TEX261: variants seen among roughly 807,000 people sequenced by gnomAD.
TEX261 encodes the protein testis expressed 261.
A neutral mutation model predicts 25.1 loss-of-function variants in TEX261; 13 were observed. That is an observed-to-expected ratio of 0.52 (90% CI 0.34 to 0.82). The LOEUF (loss-of-function observed/expected upper bound fraction) is 0.82, where lower values mean the gene tolerates loss of function less well. Among genes scored for constraint, TEX261 ranks in the 40% least tolerant of loss-of-function variants. The probability of loss-of-function intolerance (pLI) is 0.02; values close to 1 mark genes in which losing one functional copy is unlikely to be tolerated. For missense variants in TEX261, 206 were observed against 243.2 expected (o/e 0.85, Z 1.02); for synonymous variants, 92 against 97.8 (o/e 0.94, Z 0.35).
intron 4 of TEX261, 36 bp from the exon 5 acceptor site, chr2:70,989,053 G>T: frequency 6.4e-7 from 1 of 1,574,194 alleles, no homozygotes; most frequent in Non-Finnish European, 8.7e-7. Context: ...GGGTGCCCCG[G>T]AGGTGCCAAG....
Position 70,994,813 on chromosome 2 carries a change from C to G in TEX261, c.-56G>C. 7.1e-7 allele frequency: 1 copy of G among 1,418,318 alleles called. No homozygotes were observed. Among genetic ancestry groups the G allele is most frequent in the Non-Finnish European group, 9.3e-7 (1 of 1,079,366 alleles). 87.9% of individuals were successfully genotyped at this position (1,418,318 alleles called of 1,614,324 possible). On this transcript the variant is annotated 5_prime_UTR_variant, in exon 1 of 6. Coordinates refer to ENST00000272438, the MANE Select transcript of TEX261 (RefSeq NM_144582.3). ...CGGGACGGGCCTGCGCGCTTCGGCTCCGGCGACACACAGCCGCCACCGCCG... is the reference window on the plus strand; with the variant it reads ...CGGGACGGGCCTGCGCGCTTCGGCTGCGGCGACACACAGCCGCCACCGCCG...
At chr2:70,989,677 A>G in intron 4 of TEX261, 72 bp downstream of exon 4, 1 of 1,045,734 alleles carries the variant, frequency 9.6e-7, no homozygotes, top group Non-Finnish European at 1.5e-6. Context: ...CTAAGTTTAT[A>G]AAGTAAACCA....
intron 5 of TEX261, 24 bp from the exon 6 acceptor site, chr2:70,988,739 T>TGA (rs781878635): frequency 0.018 from 27,973 of 1,562,392 alleles, 125 homozygotes; most frequent in Non-Finnish European, 0.02. Context: ...GGCAAGAATA[T>TGA]GAGAGAGAGA....
At position 70,988,418 on chromosome 2, in the gene TEX261, G is replaced by A; in HGVS notation, c.*182C>T. 1 of 591,800 alleles carries A rather than the reference G, an allele frequency of 1.7e-6. No individual in the cohort carries two copies. The highest frequency in any genetic ancestry group is 2.0e-5 in the South Asian group (1 of 50,346). The allele number at this position is 591,800 out of a possible 1,614,324, so 36.7% of individuals were successfully genotyped here. On this transcript the variant is annotated 3_prime_UTR_variant, in exon 6 of 6. Coordinates refer to ENST00000272438, the MANE Select transcript of TEX261 (RefSeq NM_144582.3). ...GTGCCCTCTGAGGTTACAGCCTCTT[G>A]AAGCATCAGATCTGAGCCAAGCTGA...
chr2:70,993,567 A>G, intron 2 of TEX261, 129 bp downstream of exon 2: 1 of 783,700 alleles, frequency 1.3e-6, no homozygotes, highest in South Asian at 1.5e-5. Context: ...CAGGGCAAGG[A>G]GGTAAGAGTG....
At chr2:70,994,353 G>A (rs540790372) in intron 1 of TEX261, among the ~76,000 whole-genome samples, 6 of 152,394 alleles carry the variant, frequency 3.9e-5, no homozygotes, top group African/African-American at 1.4e-4. Context: ...GCGCAAAGGC[G>A]GCGGTAGGCG....
rs1388434124 is a variant in TEX261, at chr2:70,987,833, T to C, written c.*767A>G. On this transcript the variant is annotated 3_prime_UTR_variant, in exon 6 of 6. Coordinates refer to ENST00000272438, the MANE Select transcript of TEX261 (RefSeq NM_144582.3). Reference sequence around the variant, plus strand: ...TCTGAAAATCTAGCCCAGTCCTAAATTGTCCCCTCTCCTACTCCCAGTTTG... The same window carrying C: ...TCTGAAAATCTAGCCCAGTCCTAAACTGTCCCCTCTCCTACTCCCAGTTTG... The C allele has an allele frequency of 6.6e-6, 1 of 152,262 alleles. No individual in the cohort carries two copies. The highest frequency in any genetic ancestry group is 1.5e-5 in the Non-Finnish European group (1 of 68,040). 9.4% of individuals were successfully genotyped at this position (152,262 alleles called of 1,614,324 possible).
chr2:70,991,749 T>G, intron 3 of TEX261, 81 bp downstream of exon 3: 1 of 1,520,346 alleles, frequency 6.6e-7, no homozygotes, highest in Non-Finnish European at 8.9e-7. Context: ...GCTTCCTTTT[T>G]CTGTATCCCC....
chr2:70,990,777 T>C (rs1670286330), intron 3 of TEX261, among the ~76,000 whole-genome samples: 1 of 152,146 alleles, frequency 6.6e-6, no homozygotes, highest in Non-Finnish European at 1.5e-5. Flanking sequence ...CTTTTAGGCA[T>C]TAAAGGGCAG....
At chr2:70,991,707 T>C (rs577543803) in intron 3 of TEX261, 123 bp downstream of exon 3, 3 of 1,212,020 alleles carry the variant, frequency 2.5e-6, no homozygotes, top group South Asian at 1.5e-5. Flanking sequence ...TCTTCCCAAC[T>C]AGCCTGGCTT....
rs1454149031 is a variant in TEX261 at position 70,986,633 on chromosome 2, ATC to A, written c.*1965_*1966del. 3.3e-5 allele frequency: 5 copies of A among 152,574 alleles called. No individual in the cohort carries two copies. The highest frequency in any genetic ancestry group is 7.3e-5 in the Non-Finnish European group (5 of 68,044). The allele number at this position is 152,574 out of a possible 1,614,324, so 9.5% of individuals were successfully genotyped here. A position where few individuals can be genotyped will look rare whatever the true frequency, so the allele number is the denominator to read the frequency against. On this transcript the variant is annotated 3_prime_UTR_variant, in exon 6 of 6. Coordinates refer to ENST00000272438, the MANE Select transcript of TEX261 (RefSeq NM_144582.3). ...AAGTTTCCTGTCTGGCTCCTGAGTG[ATC>A]TCGGGGTCAAGGGAAGTACCCAGAA...
At position 70,989,819 on chromosome 2, in the gene TEX261, G is replaced by A; in HGVS notation, c.305-3C>T. 2.5e-6 allele frequency: 4 copies of A among 1,608,806 alleles called. No individual in the cohort carries two copies. The highest frequency in any genetic ancestry group is 3.4e-6 in the Non-Finnish European group (4 of 1,175,152). The stretch of plus-strand genomic sequence containing the variant: ...GTAATGATTCACCACCACTAGTCCT[G>A]TTGAGGGAATGAAGAGTCAGTCAGT... On this transcript the variant is annotated splice_region_variant and splice_polypyrimidine_tract_variant and intron_variant, in intron 3 of 5. Coordinates refer to ENST00000272438, the MANE Select transcript of TEX261 (RefSeq NM_144582.3).
chr2:70,989,093 G>C, intron 4 of TEX261, 76 bp from the exon 5 acceptor site: 1 of 1,287,408 alleles, frequency 7.8e-7, no homozygotes, highest in Middle Eastern at 1.8e-4. Flanking sequence ...CTGCGTGTTG[G>C]TCAAGAGTGC....
rs1670204269 is a variant in TEX261, at chr2:70,987,181, C to T, written c.*1419G>A. 1 of 152,176 alleles carries T rather than the reference C, an allele frequency of 6.6e-6. No homozygotes were observed. The highest frequency in any genetic ancestry group is 1.5e-5 in the Non-Finnish European group (1 of 68,068). 9.4% of individuals were successfully genotyped at this position (152,176 alleles called of 1,614,324 possible). A position where few individuals can be genotyped will look rare whatever the true frequency, so the allele number is the denominator to read the frequency against. Reference sequence around the variant, plus strand: ...GATGCAGGCTGCCAGTATCCCCTGCCTTGTCTATCCTGGTGTGCATAGGAG... The same window carrying T: ...GATGCAGGCTGCCAGTATCCCCTGCTTTGTCTATCCTGGTGTGCATAGGAG... On this transcript the variant is annotated 3_prime_UTR_variant, in exon 6 of 6. Transcript: ENST00000272438.
Position 70,988,727 on chromosome 2 carries a change from C to A in TEX261, c.476-12G>T. On this transcript the variant is annotated splice_polypyrimidine_tract_variant and intron_variant, in intron 5 of 5. Transcript: ENST00000272438. ...GGAGACGACATCATCTGTGGAGATA[C>A]AGGCAAGAATATGAGAGAGAGAGAG... is the stretch of plus-strand genomic sequence containing the variant. 6.2e-7 allele frequency: 1 copy of A among 1,606,496 alleles called. No homozygotes were observed. Among genetic ancestry groups the A allele is most frequent in the Non-Finnish European group, 8.5e-7 (1 of 1,173,080 alleles).
chr2:70,992,091 C>T, intron 2 of TEX261, 108 bp from the exon 3 acceptor site: 1 of 1,119,504 alleles, frequency 8.9e-7, no homozygotes, highest in South Asian at 2.2e-5. Context: ...GCTTCAATCT[C>T]CTCATTTCAC....
At chr2:70,994,521 AGGCTCGACAGGAGGGGCAGGATCAG>A in intron 1 of TEX261, 142 bp downstream of exon 1, 5 of 981,190 alleles carry the variant, frequency 5.1e-6, no homozygotes, top group Non-Finnish European at 7.4e-6. Context: ...CCGGGCTGCC[AGGCTCGACAGGAGGGGCAGGATCAG>A]GCGGGAAGGG....
Position 70,993,739 on chromosome 2 carries a change from T to A in TEX261, c.107A>T (p.Glu36Val). The A allele has an allele frequency of 1.9e-6, 3 of 1,613,446 alleles. No individual in the cohort carries two copies. Among genetic ancestry groups the A allele is most frequent in the Non-Finnish European group, 2.5e-6 (3 of 1,180,026 alleles). The change falls in exon 2 of 6, where the codon GAA becomes GTA. Residue 36 changes from glutamate to valine, a missense_variant. By Grantham distance (121) the Glu-to-Val change is moderately radical. Coordinates refer to ENST00000272438, the MANE Select transcript of TEX261 (RefSeq NM_144582.3). ...GLYYLAELIE[E>V]YTVATSRIIK... ...GATCCTGCTGGTGGCCACTGTGTAT[T>A]CTTCTATCAGTTCTGCCAGGTAATA... is the stretch of plus-strand genomic sequence containing the variant.
rs992508552 is a variant in TEX261 at position 70,988,980 on chromosome 2, G to A, written c.410C>T (p.Pro137Leu). The A allele has an allele frequency of 2.5e-6, 4 of 1,614,078 alleles. No individual in the cohort carries two copies. Among genetic ancestry groups the A allele is most frequent in the African/African-American group, 1.3e-5 (1 of 75,038 alleles). The change falls in exon 5 of 6, where the codon CCG (proline) becomes CTG (leucine). Residue 137 changes from proline (P) to leucine (L), a missense_variant. Transcript: ENST00000272438. ...AYFTFCLWII[P>L]FAFFVSLSAG... Reference sequence around the variant, plus strand: ...CGAAAGTGACACAAAAAACGCAAACGGAATTATCCACAGGCAGAAAGTGAA... The same window carrying A: ...CGAAAGTGACACAAAAAACGCAAACAGAATTATCCACAGGCAGAAAGTGAA...
Sources: gnomAD v4.1 joint callset for allele counts (sites outside exome capture counted in the v4.1 genomes callset) on GRCh38, gnomAD v4.1.1 for gene constraint, MANE v1.5 for transcripts, NCBI Gene and HGNC (gene_info 2026-07-23, HGNC 2026-07-21) for gene names.